KASH5: variants seen among roughly 807,000 people sequenced by gnomAD.
KASH5 encodes protein KASH5.
In KASH5, 72 loss-of-function variants were observed where a neutral mutation model predicts 84.2. That is an observed-to-expected ratio of 0.85 (90% CI 0.71 to 1.04). KASH5 has a LOEUF of 1.04. Ranked by LOEUF, KASH5 falls within the 50% of genes least tolerant of loss-of-function variation. The probability of loss-of-function intolerance (pLI) is 0.00; values close to 1 mark genes in which losing one functional copy is unlikely to be tolerated. For synonymous variants in KASH5, 260 were observed against 279.1 expected (o/e 0.93, Z 0.68); for missense variants, 650 against 701.0 (o/e 0.93, Z 0.82).
intron 7 of KASH5, among the ~76,000 whole-genome samples, chr19:49,398,670 A>G (rs1449534701): frequency 2.1e-5 from 3 of 141,550 alleles, no homozygotes; most frequent in Non-Finnish European, 4.6e-5. Context: ...CACCCAGCCT[A>G]GATTTCTCTC....
chr19:49,409,134 G>T (rs1974628442), intron 13 of KASH5, 62 bp from the exon 14 acceptor site: 1 of 1,596,586 alleles, frequency 6.3e-7, no homozygotes, highest in East Asian at 2.3e-5. Context: ...AGGCCAGCAT[G>T]AGCTGACTGA....
intron 11 of KASH5, 56 bp from the exon 12 acceptor site, chr19:49,407,556 C>A: frequency 6.6e-7 from 1 of 1,522,160 alleles, no homozygotes; most frequent in Non-Finnish European, 8.9e-7. Context: ...GCCACCACCA[C>A]CCCCAGTGTC....
chr19:49,410,004 GC>G, intron 15 of KASH5, 129 bp downstream of exon 15: 2 of 1,230,170 alleles, frequency 1.6e-6, no homozygotes, highest in Non-Finnish European at 2.2e-6. Flanking sequence ...TTAATTGAGG[GC>G]CCAGTGTGTG....
chr19:49,413,073 C>T, intron 16 of KASH5, 47 bp downstream of exon 16: 2 of 1,560,022 alleles, frequency 1.3e-6, no homozygotes, highest in Non-Finnish European at 8.8e-7. Flanking sequence ...ACCTTATTCA[C>T]AGCTGTTTAC....
chr19:49,409,690 C>T, intron 14 of KASH5, 63 bp from the exon 15 acceptor site: 1 of 1,606,144 alleles, frequency 6.2e-7, no homozygotes, highest in Non-Finnish European at 8.5e-7. Flanking sequence ...CTATTTCTAT[C>T]TCTGACCTTG....
Position 49,409,238 on chromosome 19 carries a change from G to C in KASH5, c.1101G>C (p.Glu367Asp). 6.2e-7 allele frequency: 1 copy of C among 1,613,968 alleles called. No homozygotes were observed. Among genetic ancestry groups the C allele is most frequent in the Non-Finnish European group, 8.5e-7 (1 of 1,179,876 alleles). The change falls in exon 14 of 20, where the codon GAG becomes GAC. Residue 367 changes from glutamate (E) to aspartate (D), a missense_variant. Coordinates refer to ENST00000447857, the MANE Select transcript of KASH5 (RefSeq NM_144688.5). ...GAQLRRVGWT[E>D]LLPPSLGLEI... ...AGCTGAGAAGAGTGGGCTGGACCGA[G>C]CTGCTACCCCCATCGCTGGGCTTGG...
rs1974300078 is a variant in KASH5 at position 49,399,668 on chromosome 19, C to A, written c.798+161C>A. The A allele has an allele frequency of 2.8e-5, 41 of 1,486,520 alleles. No homozygotes were observed. Among genetic ancestry groups the A allele is most frequent in the Admixed American group, 4.2e-5 (2 of 47,284 alleles). 92.1% of individuals were successfully genotyped at this position (1,486,520 alleles called of 1,614,324 possible). ...CTGAGGTTATATCACACTGTGAGAA[C>A]AGCCGTGGTTTACAAGAGTGTGAGG... On this transcript the variant is annotated intron_variant, in intron 9 of 19. Transcript: ENST00000447857. The surrounding 1 kb of genome is among the most constrained non-coding windows in gnomAD (Gnocchi z 4.4).
At chr19:49,413,573 C>CT (rs1974795670) in intron 16 of KASH5, among the ~76,000 whole-genome samples, 1 of 152,130 alleles carries the variant, frequency 6.6e-6, no homozygotes, top group African/African-American at 2.4e-5. Flanking sequence ...GCCAAGGCCT[C>CT]TAATTGGACT....
chr19:49,407,565 T>C, intron 11 of KASH5, 47 bp from the exon 12 acceptor site: 2 of 1,516,330 alleles, frequency 1.3e-6, no homozygotes. Flanking sequence ...ACCCCCAGTG[T>C]CTTTGGGGAA....
intron 16 of KASH5, among the ~76,000 whole-genome samples, chr19:49,413,719 G>T (rs1465629861): frequency 6.6e-6 from 1 of 152,166 alleles, no homozygotes; most frequent in African/African-American, 2.4e-5. Context: ...CGAGTTTCCA[G>T]AGGTCAGGGG....
Position 49,399,695 on chromosome 19 carries a change from A to G in KASH5, c.798+188A>G. 2 of 1,461,122 alleles carry G rather than the reference A, an allele frequency of 1.4e-6. No homozygotes were observed. Among genetic ancestry groups the G allele is most frequent in the Non-Finnish European group, 9.1e-7 (1 of 1,103,462 alleles). 90.5% of individuals were successfully genotyped at this position (1,461,122 alleles called of 1,614,324 possible). On this transcript the variant is annotated intron_variant, in intron 9 of 19. Transcript: ENST00000447857. This position sits in a 1 kb window ranked among gnomAD's most constrained non-coding sequence, Gnocchi z 4.4. ...GCCGTGGTTTACAAGAGTGTGAGGC[A>G]TGGGGTCAGCCTACATGGCTTCAGG...
chr19:49,401,750 G>A (rs992142086), intron 9 of KASH5, among the ~76,000 whole-genome samples: 11 of 152,238 alleles, frequency 7.2e-5, no homozygotes, highest in African/African-American at 2.4e-4. Flanking sequence ...GACAGATCAT[G>A]TATTCCCAAA....
intron 12 of KASH5, among the ~76,000 whole-genome samples, chr19:49,407,964 G>A (rs986190743): frequency 1.3e-5 from 2 of 151,758 alleles, no homozygotes; most frequent in African/African-American, 4.9e-5. Flanking sequence ...TCGCTAGGCT[G>A]GAGTGCAGTG....
chr19:49,406,128 CAAAA>C (rs36100015), intron 9 of KASH5, among the ~76,000 whole-genome samples: 3 of 97,716 alleles, frequency 3.1e-5, no homozygotes, highest in Non-Finnish European at 4.3e-5. Context: ...AACTCTGGCT[CAAAA>C]AAAAAAAAAA....
Position 49,416,691 on chromosome 19 carries a change from A to G in KASH5, c.1375-324A>G, listed in dbSNP as rs1196864859. 1.3e-5 allele frequency among the ~76,000 whole-genome samples: 2 copies of G among 152,160 alleles called. No individual in the cohort carries two copies. Among genetic ancestry groups the G allele is most frequent in the Non-Finnish European group, 2.9e-5 (2 of 68,038 alleles). ...TAGCTCACACAGACATTGAGCACTC[A>G]CTATGTACCAGGCGCTGTCCAAGCT... is the stretch of plus-strand genomic sequence containing the variant. On this transcript the variant is annotated intron_variant, in intron 17 of 19. Transcript: ENST00000447857. This position sits in a 1 kb window ranked among gnomAD's most constrained non-coding sequence, Gnocchi z 5.4.
Position 49,417,245 on chromosome 19 carries a change from G to A in KASH5, c.1526G>A (p.Cys509Tyr), listed in dbSNP as rs1445895992. 6.2e-7 allele frequency: 1 copy of A among 1,613,424 alleles called. No homozygotes were observed. Among genetic ancestry groups the A allele is most frequent in the Non-Finnish European group, 8.5e-7 (1 of 1,179,686 alleles). ...AGGAGGAGGGCCTGGGGCCAGCTCT[G>A]CCTGCCCCCACAGCGGCTCAGGTGT... ...PVRRRAWGQL[C>Y]LPPQRLRVTR... The change falls in exon 19 of 20, where the codon TGC becomes TAC. Residue 509 changes from cysteine (C) to tyrosine (Y), a missense_variant. Coordinates refer to ENST00000447857, the MANE Select transcript of KASH5 (RefSeq NM_144688.5). The surrounding 1 kb of genome is among the most constrained non-coding windows in gnomAD (Gnocchi z 5.2).
rs1391424249 is a variant in KASH5, at chr19:49,416,823, G to T, written c.1375-192G>T. 7.1e-6 allele frequency among the ~76,000 whole-genome samples: 1 copy of T among 141,526 alleles called. No homozygotes were observed. Among genetic ancestry groups the T allele is most frequent in the African/African-American group, 3.1e-5 (1 of 32,306 alleles). The allele number at this position is 141,526 out of a possible 152,430, so 92.8% of individuals were successfully genotyped here. A position where few individuals can be genotyped will look rare whatever the true frequency, so the allele number is the denominator to read the frequency against. On this transcript the variant is annotated intron_variant, in intron 17 of 19. Transcript: ENST00000447857. The surrounding 1 kb of genome is among the most constrained non-coding windows in gnomAD (Gnocchi z 5.4). ...AGATGGGGAAAGAGCGGCACGGAGAGGTGTGGTGACATGCCAAGGACCCTC... is the reference window on the plus strand; with the variant it reads ...AGATGGGGAAAGAGCGGCACGGAGATGTGTGGTGACATGCCAAGGACCCTC...
chr19:49,410,005 C>T, intron 15 of KASH5, 130 bp downstream of exon 15: 3 of 1,211,310 alleles, frequency 2.5e-6, no homozygotes, highest in Non-Finnish European at 3.4e-6. Context: ...TAATTGAGGG[C>T]CCAGTGTGTG....
chr19:49,415,202 C>A (rs966315369), intron 17 of KASH5: 17 of 614,228 alleles, frequency 2.8e-5, no homozygotes, highest in South Asian at 1.9e-4. Context: ...GGCTAGTGGG[C>A]GGCCAGGCTG....
Sources: gnomAD v4.1 joint callset for allele counts (sites outside exome capture counted in the v4.1 genomes callset) on GRCh38, gnomAD v4.1.1 for gene constraint, Gnocchi (gnomAD v3.1) non-coding constraint, MANE v1.5 for transcripts, NCBI Gene and HGNC (gene_info 2026-07-23, HGNC 2026-07-21) for gene names.